JAK1: variants seen among roughly 807,000 people sequenced by gnomAD.
JAK1 encodes the protein Janus kinase 1.
JAK1 carries 16 observed loss-of-function variants against 136.6 expected under a neutral mutation model. The ratio of observed to expected loss-of-function variants is 0.12; its 90% CI spans 0.08 to 0.18. JAK1 has a LOEUF of 0.18. Ranked by LOEUF, JAK1 falls within the 10% of genes least tolerant of loss-of-function variation. JAK1 has a pLI of 1.00. For missense variants in JAK1, 859 were observed against 1,450.1 expected (o/e 0.59, Z 6.62); for synonymous variants, 492 against 519.5 (o/e 0.95, Z 0.72).
chr1:64,943,989 G>A (rs995656349), intron 1 of JAK1, among the ~76,000 whole-genome samples: 7 of 151,866 alleles, frequency 4.6e-5, no homozygotes, highest in Middle Eastern at 3.4e-3. Flanking sequence ...TTGGGAGGCC[G>A]AGGTAGGCGG....
At chr1:64,982,157 C>A (rs1646554118) in intron 2 of JAK1, among the ~76,000 whole-genome samples, 1 of 152,014 alleles carries the variant, frequency 6.6e-6, no homozygotes, top group Admixed American at 6.6e-5. Flanking sequence ...GGGAAGCAGT[C>A]TTTCTGTTGG....
intron 1 of JAK1, among the ~76,000 whole-genome samples, chr1:64,912,392 T>C (rs1302623050): frequency 6.6e-6 from 1 of 152,216 alleles, no homozygotes; most frequent in Non-Finnish European, 1.5e-5. Flanking sequence ...TCCTCTACAG[T>C]GCAGTAGCAT....
rs1308539020 is a variant in JAK1, at chr1:65,022,152, A to C, written c.-78+22328T>G. Among the ~76,000 whole-genome samples the C allele has an allele frequency of 3.3e-5, 5 of 152,220 alleles. No homozygotes were observed. The East Asian group carries it at 9.6e-4, about 29-fold the overall frequency. On this transcript the variant is annotated intron_variant, in intron 2 of 25. Coordinates refer to the JAK1 transcript ENST00000671954. ...AATGTTTTTGCCCTGTGTTTTTCCA[A>C]AGCAGGGCCTTTTCCAAAACAATTC...
At chr1:64,996,719 A>G (rs762838251) in intron 2 of JAK1, among the ~76,000 whole-genome samples, 4 of 152,230 alleles carry the variant, frequency 2.6e-5, no homozygotes, top group Non-Finnish European at 5.9e-5. Context: ...ACTGTTTGCC[A>G]ACACTTAAAA....
chr1:65,044,109 G>A (rs1265424540), intron 2 of JAK1, among the ~76,000 whole-genome samples: 1 of 151,986 alleles, frequency 6.6e-6, no homozygotes, highest in Non-Finnish European at 1.5e-5. Flanking sequence ...CACCTGCCTC[G>A]GCCTCCCAAA....
In JAK1 at chr1:64,984,175, G is replaced by A. The variant is rs537526438; in HGVS notation, c.-78+60305C>T. The stretch of plus-strand genomic sequence containing the variant: ...AATAAAACTCAAGTTAATTTGCTGT[G>A]TACAGCTGTATGGAAGTGAGGAAGG... On this transcript the variant is annotated intron_variant, in intron 2 of 25. Transcript: ENST00000671954. This position sits in a 1 kb window ranked among gnomAD's most constrained non-coding sequence, Gnocchi z 4.1. Among the ~76,000 whole-genome samples, 1 of 152,286 alleles carries A rather than the reference G, an allele frequency of 6.6e-6. No homozygotes were observed. Among genetic ancestry groups the A allele is most frequent in the South Asian group, 2.1e-4 (1 of 4,828 alleles).
intron 1 of JAK1, among the ~76,000 whole-genome samples, chr1:64,893,024 CAG>C (rs1038609386): frequency 3.3e-5 from 5 of 152,134 alleles, no homozygotes; most frequent in African/African-American, 1.2e-4. Flanking sequence ...GAGTCAAAAA[CAG>C]AGGACACAAG....
rs151207422 is a variant in JAK1 at position 64,892,243 on chromosome 1, G to A, written c.-77-5902C>T. Among the ~76,000 whole-genome samples the A allele has an allele frequency of 1.0e-3, 153 of 152,232 alleles. 1 individual carries two copies. The highest frequency in any genetic ancestry group is 3.5e-3 in the African/African-American group (145 of 41,534). ...CACAAATGGACACTCAAAACATGGCGGGGTGGGGAGAATGGCTTGTCTTCA... is the reference window on the plus strand; with the variant it reads ...CACAAATGGACACTCAAAACATGGCAGGGTGGGGAGAATGGCTTGTCTTCA... On this transcript the variant is annotated intron_variant, in intron 1 of 24. Transcript: ENST00000342505.
intron 1 of JAK1, among the ~76,000 whole-genome samples, chr1:65,048,486 C>T (rs1382452584): frequency 6.6e-6 from 1 of 152,190 alleles, no homozygotes; most frequent in East Asian, 1.9e-4. Flanking sequence ...GGACTAAGGT[C>T]GCTTGTTATG....
chr1:64,969,674 G>A (rs1239389219), upstream of JAK1, among the ~76,000 whole-genome samples: 2 of 152,180 alleles, frequency 1.3e-5, no homozygotes, highest in Admixed American at 1.3e-4. Context: ...AGAATGGACA[G>A]TGCTTGGTGA....
At chr1:64,878,203 G>A (rs1438423625) in intron 4 of JAK1, among the ~76,000 whole-genome samples, 1 of 152,154 alleles carries the variant, frequency 6.6e-6, no homozygotes, top group Non-Finnish European at 1.5e-5. Flanking sequence ...AATCTCCACT[G>A]CTAAACACAC....
At chr1:64,846,533 C>T in intron 14 of JAK1, 116 bp downstream of exon 14, 1 of 738,642 alleles carries the variant, frequency 1.4e-6, no homozygotes, top group Non-Finnish European at 2.4e-6. Context: ...TCCTCAACTG[C>T]AAAAAGAAAG....
intron 2 of JAK1, chr1:64,991,468 G>T (rs1193929929): frequency 6.6e-6 from 1 of 152,094 alleles, no homozygotes; most frequent in Non-Finnish European, 1.5e-5. Flanking sequence ...CAATCATATT[G>T]GATTAAGGCC....
intron 2 of JAK1, among the ~76,000 whole-genome samples, chr1:64,989,002 GTA>G (rs57569640): frequency 0.016 from 2,017 of 129,142 alleles, 27 homozygotes; most frequent in African/African-American, 0.035. Context: ...GTGTGTGTGT[GTA>G]TATATATATA....
chr1:65,016,672 G>A (rs1234344276), intron 2 of JAK1, among the ~76,000 whole-genome samples: 1 of 152,082 alleles, frequency 6.6e-6, no homozygotes, highest in East Asian at 1.9e-4. Context: ...GCTGAGGCGG[G>A]TGGATCACTT....
chr1:64,918,643 T>A, intron 1 of JAK1: 1 of 190,376 alleles, frequency 5.3e-6, no homozygotes, highest in Non-Finnish European at 1.1e-5. Context: ...ACTCAGTGAA[T>A]GTGGATTACA....
chr1:64,883,362 G>C lies in JAK1; in HGVS notation c.120C>G (p.Phe40Leu). The change falls in exon 3 of 25, where the codon TTC becomes TTG. Residue 40 changes from phenylalanine to leucine, a missense_variant. Around this residue, in one of 4 missense-constraint regions of JAK1, gnomAD observed 353 missense variants for 494.0 expected, o/e 0.71. Coordinates refer to ENST00000342505, the MANE Select transcript of JAK1 (RefSeq NM_002227.4). ...GGAGGGGCTCCCTGTCCGACAGATA[G>C]AAGATCACTTCCACCCCTGGCTCAG... ...EAPEPGVEVIFYLSDREPLRL... is the reference protein window; with the variant it reads ...EAPEPGVEVILYLSDREPLRL... The C allele has an allele frequency of 1.2e-6, 2 of 1,614,196 alleles. No individual in the cohort carries two copies. Among genetic ancestry groups the C allele is most frequent in the Non-Finnish European group, 1.7e-6 (2 of 1,180,020 alleles).
upstream of JAK1, among the ~76,000 whole-genome samples, chr1:64,968,182 G>A (rs1029508736): frequency 3.3e-5 from 5 of 152,134 alleles, no homozygotes; most frequent in African/African-American, 9.7e-5. Flanking sequence ...AACCCATTGT[G>A]CCCACGAACG....
At chr1:64,834,769 T>TA (rs1654365412) in intron 24 of JAK1, 112 bp from the exon 25 acceptor site, 1 of 685,496 alleles carries the variant, frequency 1.5e-6, no homozygotes, top group Admixed American at 2.7e-5. Context: ...GACTTTTCCT[T>TA]AAAGACTAGA....
Sources: gnomAD v4.1 joint callset for allele counts (sites outside exome capture counted in the v4.1 genomes callset) on GRCh38, gnomAD v4.1.1 for gene constraint, gnomAD v4.1.1 regional missense constraint, Gnocchi (gnomAD v3.1) non-coding constraint, MANE v1.5 for transcripts, NCBI Gene and HGNC (gene_info 2026-07-23, HGNC 2026-07-21) for gene names.